The following SPC25 variants were observed in gnomAD, a reference collection of about 807,000 sequenced individuals.
The protein encoded by SPC25 is SPC25 component of NDC80 kinetochore complex.
In SPC25, 22 loss-of-function variants were observed where a neutral mutation model predicts 29.6. The observed-to-expected ratio is 0.74, with a 90% CI of 0.53 to 1.06. SPC25 has a LOEUF of 1.06. SPC25 is among the 50% of genes least tolerant of loss of function. SPC25 has a pLI of 0.00. For missense variants in SPC25, 230 were observed against 255.8 expected (o/e 0.90, Z 0.69); for synonymous variants, 91 against 90.4 (o/e 1.01, Z -0.04).
At chr2:168,874,380 T>C (rs1690049630) in intron 5 of SPC25, among the ~76,000 whole-genome samples, 1 of 152,178 alleles carries the variant, frequency 6.6e-6, no homozygotes. Context: ...CTCCTAAGTA[T>C]AGAGCTGAAA....
chr2:168,885,024 A>G (rs979167294), intron 3 of SPC25: 4 of 152,150 alleles, frequency 2.6e-5, no homozygotes, highest in African/African-American at 9.7e-5. Context: ...ACAAATCCCT[A>G]TCTTCAGCAA....
chr2:168,871,513 T>A lies in SPC25; in HGVS notation c.593A>T (p.Gln198Leu). The A allele has an allele frequency of 1.2e-6, 2 of 1,608,772 alleles. No individual in the cohort carries two copies. The highest frequency in any genetic ancestry group is 1.7e-6 in the Non-Finnish European group (2 of 1,178,150). The change falls in exon 7 of 7, where the codon CAA (glutamine) becomes CTA (leucine). Residue 198 changes from glutamine to leucine, a missense_variant. Gln to Leu is a moderately radical substitution (Grantham distance 113). Coordinates refer to ENST00000282074, the MANE Select transcript of SPC25 (RefSeq NM_020675.4). ...ATTGTTGGTCTTCCTTACATTCTCT[T>A]GAAATTCTGCTAGGCCCTCAAGATG... ...APHLEGLAEF[Q>L]ENVRKTNNFS...
At chr2:168,869,360 A>C (rs939272318), downstream of SPC25, among the ~76,000 whole-genome samples, 1 of 152,220 alleles carries the variant, frequency 6.6e-6, no homozygotes, top group African/African-American at 2.4e-5. Context: ...TGGCCAGGGC[A>C]ATCAGGCAGA....
At chr2:168,884,196 T>C (rs1172879998) in intron 3 of SPC25, among the ~76,000 whole-genome samples, 1 of 152,190 alleles carries the variant, frequency 6.6e-6, no homozygotes, top group African/African-American at 2.4e-5. Flanking sequence ...CACGTCAGTA[T>C]AGCACAATGG....
chr2:168,870,552 T>C (rs960772935), downstream of SPC25, among the ~76,000 whole-genome samples: 1 of 151,882 alleles, frequency 6.6e-6, no homozygotes, highest in Non-Finnish European at 1.5e-5. Flanking sequence ...GCGAAGGATA[T>C]GAACAGACAC....
intron 4 of SPC25, among the ~76,000 whole-genome samples, chr2:168,865,831 G>GACAA (rs1278527749): frequency 6.6e-6 from 1 of 152,114 alleles, no homozygotes; most frequent in Non-Finnish European, 1.5e-5. Flanking sequence ...ACCAATAACA[G>GACAA]ACAAACAGAG....
At chr2:168,862,609 T>C (rs1031026979) in intron 4 of SPC25, among the ~76,000 whole-genome samples, 1 of 152,244 alleles carries the variant, frequency 6.6e-6, no homozygotes, top group Admixed American at 6.5e-5. Flanking sequence ...TCTCACTTAC[T>C]TCTCAGAAAA....
intron 4 of SPC25, among the ~76,000 whole-genome samples, chr2:168,876,602 T>TTC (rs1485228233): frequency 1.3e-5 from 2 of 148,540 alleles, no homozygotes; most frequent in Admixed American, 6.7e-5. Flanking sequence ...AGTTTTTTCT[T>TTC]TTTTTTTTTT....
intron 4 of SPC25, among the ~76,000 whole-genome samples, chr2:168,862,221 AC>A (rs1451294438): frequency 6.6e-6 from 1 of 152,256 alleles, no homozygotes; most frequent in African/African-American, 2.4e-5. Context: ...ATAATAGCTA[AC>A]GCTTATTCTG....
chr2:168,880,605 C>T (rs1188014861), intron 3 of SPC25, among the ~76,000 whole-genome samples: 1 of 152,178 alleles, frequency 6.6e-6, no homozygotes, highest in Admixed American at 6.5e-5. Context: ...TGCTAATTGG[C>T]GCAAGAGGCC....
intron 5 of SPC25, among the ~76,000 whole-genome samples, chr2:168,875,638 T>C (rs1251780269): frequency 6.6e-6 from 1 of 152,136 alleles, no homozygotes; most frequent in Admixed American, 6.6e-5. Flanking sequence ...TGGGGATGAC[T>C]GTATTTCTAA....
intron 3 of SPC25, among the ~76,000 whole-genome samples, chr2:168,886,419 C>T (rs970826705): frequency 6.6e-6 from 1 of 152,066 alleles, no homozygotes; most frequent in African/African-American, 2.4e-5. Flanking sequence ...GTAGATTATA[C>T]TTTATGCACT....
At chr2:168,863,639 T>TGAATGGGGAGTTACATTTC in intron 4 of SPC25, 2 of 976,642 alleles carry the variant, frequency 2.0e-6, no homozygotes, top group South Asian at 4.8e-5. Context: ...AGTTACATTT[T>TGAATGGGGAGTTACATTTC]GAATGGGGAG....
chr2:168,869,561 T>C (rs1031171653), downstream of SPC25, among the ~76,000 whole-genome samples: 1 of 151,754 alleles, frequency 6.6e-6, no homozygotes, highest in African/African-American at 2.4e-5. Flanking sequence ...TATACACCAA[T>C]AACAGACAAA....
chr2:168,883,776 C>CT lies in SPC25; in HGVS notation c.199+5449dup, dbSNP rs34748645. On this transcript the variant is annotated intron_variant, in intron 3 of 6. Transcript: ENST00000282074. The stretch of plus-strand genomic sequence containing the variant: ...CGATGCTGTATGACCATTTTTTTTT[C>CT]TTTTTTTTTTTTTGAGATGGAGTCT... Among the ~76,000 whole-genome samples the CT allele has an allele frequency of 8.8e-3, 1,242 of 141,508 alleles. 7 individuals are homozygous for CT. Among genetic ancestry groups the CT allele is most frequent in the African/African-American group, 0.013 (516 of 38,356 alleles). 92.8% of individuals were successfully genotyped at this position (141,508 alleles called of 152,430 possible).
chr2:168,867,648 C>G (rs1449518775), downstream of SPC25, among the ~76,000 whole-genome samples: 3 of 152,280 alleles, frequency 2.0e-5, no homozygotes, highest in Non-Finnish European at 2.9e-5. Flanking sequence ...AAGGCCATTA[C>G]ATAATGGTAA....
In SPC25 at chr2:168,871,554, C is replaced by G. The variant is rs765583624; in HGVS notation, c.552G>C (p.Val184=). ...LHLNEARDYE[V]SDSAPHLEGL... ...CCTCAAGATGAGGGGCACTATCTGA[C>G]ACTAGAAAAAAAAAAAAAAGAAATC... is the stretch of plus-strand genomic sequence containing the variant. The change falls in exon 7 of 7, where the codon GTG becomes GTC. Residue 184 remains valine (V), a splice_region_variant and synonymous_variant. Coordinates refer to ENST00000282074, the MANE Select transcript of SPC25 (RefSeq NM_020675.4). 6.8e-7 allele frequency: 1 copy of G among 1,460,448 alleles called. No individual in the cohort carries two copies. The highest frequency in any genetic ancestry group is 2.8e-5 in the Admixed American group (1 of 35,988). The allele number at this position is 1,460,448 out of a possible 1,614,324, so 90.5% of individuals were successfully genotyped here. A position where few individuals can be genotyped will look rare whatever the true frequency, so the allele number is the denominator to read the frequency against.
chr2:168,889,148 G>A, intron 3 of SPC25, 78 bp downstream of exon 3: 2 of 1,260,964 alleles, frequency 1.6e-6, no homozygotes, highest in Non-Finnish European at 1.1e-6. Flanking sequence ...AAAATACATT[G>A]TCTTACTTGT....
downstream of SPC25, chr2:168,870,866 C>T (rs1259631098): frequency 6.6e-6 from 1 of 151,332 alleles, no homozygotes; most frequent in Non-Finnish European, 1.5e-5. Flanking sequence ...GGTATATACC[C>T]AAGGGATTAT....
Sources: gnomAD v4.1 joint callset for allele counts (sites outside exome capture counted in the v4.1 genomes callset) on GRCh38, gnomAD v4.1.1 for gene constraint, MANE v1.5 for transcripts, NCBI Gene and HGNC (gene_info 2026-07-23, HGNC 2026-07-21) for gene names.